CDH4: variants seen among roughly 807,000 people sequenced by gnomAD.
CDH4 encodes cadherin-4.
A neutral mutation model predicts 86.0 loss-of-function variants in CDH4; 33 were observed. The observed-to-expected ratio is 0.38, with a 90% CI of 0.29 to 0.51. The LOEUF (loss-of-function observed/expected upper bound fraction) is 0.51. CDH4 is among the 20% of genes least tolerant of loss of function. The pLI is 0.86. For synonymous variants in CDH4, 555 were observed against 549.4 expected (o/e 1.01, Z -0.14); for missense variants, 1,114 against 1,307.4 (o/e 0.85, Z 2.28).
intron 6 of CDH4, among the ~76,000 whole-genome samples, chr20:61,858,415 CTGTG>C (rs1983160694): frequency 6.8e-6 from 1 of 147,648 alleles, no homozygotes; most frequent in African/African-American, 2.5e-5. Context: ...GTGTCTGCGT[CTGTG>C]TGTGTGTCTG....
chr20:61,711,614 C>T (rs1197774316), intron 2 of CDH4, among the ~76,000 whole-genome samples: 1 of 152,234 alleles, frequency 6.6e-6, no homozygotes, highest in African/African-American at 2.4e-5. Context: ...GGGATAATCT[C>T]CTGTCTCAAG....
intron 2 of CDH4, among the ~76,000 whole-genome samples, chr20:61,444,719 G>A (rs541476322): frequency 7.0e-6 from 1 of 143,118 alleles, no homozygotes; most frequent in Non-Finnish European, 1.5e-5. Context: ...GTATATTTGT[G>A]TGTATATGTA....
At chr20:61,666,276 C>T (rs549891216) in intron 2 of CDH4, among the ~76,000 whole-genome samples, 2 of 152,180 alleles carry the variant, frequency 1.3e-5, no homozygotes, top group Non-Finnish European at 2.9e-5. Context: ...ATGAGAGCCA[C>T]GGTGCCTGGA....
At chr20:61,332,518 C>T (rs1306232555) in intron 2 of CDH4, among the ~76,000 whole-genome samples, 1 of 152,248 alleles carries the variant, frequency 6.6e-6, no homozygotes, top group Non-Finnish European at 1.5e-5. Flanking sequence ...ATTCTTGGTG[C>T]ATCCCCTTGG....
At chr20:61,683,832 G>C (rs1217067842) in intron 2 of CDH4, among the ~76,000 whole-genome samples, 1 of 152,200 alleles carries the variant, frequency 6.6e-6, no homozygotes, top group Non-Finnish European at 1.5e-5. Flanking sequence ...GTCTGTTCTT[G>C]TACAAGCCTG....
At chr20:61,762,543 A>C (rs909698461) in intron 3 of CDH4, among the ~76,000 whole-genome samples, 2 of 152,142 alleles carry the variant, frequency 1.3e-5, no homozygotes, top group African/African-American at 2.4e-5. Flanking sequence ...GGCTGTTGCA[A>C]ATATTCTTCT....
chr20:61,612,585 G>A lies in CDH4; in HGVS notation c.170-130978G>A, dbSNP rs528152343. ...CTTTTCCATCAAACCTGACTTTGCC[G>A]TGGGATTTGTTAAGACCATCCTTCC... On this transcript the variant is annotated intron_variant, in intron 2 of 15. Coordinates refer to ENST00000614565, the MANE Select transcript of CDH4 (RefSeq NM_001794.5). Among the ~76,000 whole-genome samples the A allele has an allele frequency of 4.5e-4, 69 of 152,196 alleles. 1 individual carries two copies. The South Asian group carries it at 0.012, about 26-fold the overall frequency.
chr20:61,804,683 G>A (rs924582729), intron 4 of CDH4, among the ~76,000 whole-genome samples: 2 of 152,234 alleles, frequency 1.3e-5, no homozygotes, highest in African/African-American at 4.8e-5. Context: ...CTCCAGGGGA[G>A]GGAGTGGCCG....
intron 2 of CDH4, among the ~76,000 whole-genome samples, chr20:61,369,197 A>C (rs2084826396): frequency 6.6e-6 from 1 of 152,128 alleles, no homozygotes; most frequent in African/African-American, 2.4e-5. Context: ...GCACGCCTGT[A>C]ATCCCAGCAC....
intron 2 of CDH4, among the ~76,000 whole-genome samples, chr20:61,306,498 G>C (rs1233547942): frequency 6.6e-6 from 1 of 151,998 alleles, no homozygotes; most frequent in Non-Finnish European, 1.5e-5. Context: ...CTCTATGCCT[G>C]GCTAATTTTT....
At chr20:61,547,298 C>T (rs1396379838) in intron 2 of CDH4, among the ~76,000 whole-genome samples, 3 of 149,772 alleles carry the variant, frequency 2.0e-5, no homozygotes, top group Admixed American at 6.7e-5. Flanking sequence ...CTGCAAGCTC[C>T]ACCTCCCGGG....
chr20:61,406,218 C>T (rs2085081109), intron 2 of CDH4, among the ~76,000 whole-genome samples: 1 of 151,514 alleles, frequency 6.6e-6, no homozygotes, highest in African/African-American at 2.4e-5. Flanking sequence ...AGACCACCAT[C>T]TGCTCTACCC....
At chr20:61,932,101 TCA>T (rs1439118763) in intron 13 of CDH4, among the ~76,000 whole-genome samples, 2 of 152,150 alleles carry the variant, frequency 1.3e-5, no homozygotes, top group Non-Finnish European at 2.9e-5. Flanking sequence ...TCTCCCTCTC[TCA>T]GTGATTCCTA....
chr20:61,704,360 G>T (rs1450553285), intron 2 of CDH4, among the ~76,000 whole-genome samples: 2 of 152,160 alleles, frequency 1.3e-5, no homozygotes, highest in Admixed American at 1.3e-4. Context: ...GCTGATCCAG[G>T]TCACTCGGGA....
intron 8 of CDH4, among the ~76,000 whole-genome samples, chr20:61,901,494 G>C (rs1036471546): frequency 6.6e-6 from 1 of 152,256 alleles, no homozygotes; most frequent in African/African-American, 2.4e-5. Flanking sequence ...TCCCAGCCCC[G>C]TCGGGGGGCG....
At position 61,929,722 on chromosome 20, in the gene CDH4, A is replaced by G. The variant is rs1375047048; in HGVS notation, c.2119A>G (p.Lys707Glu). ...NPPLSNTSII[K>E]VKVCPCDDNG... ...TCCCCTGTCCAACACGTCCATCATCAAAGTCAAGGTGTGCCCATGTGATGA... is the reference window on the plus strand; with the variant it reads ...TCCCCTGTCCAACACGTCCATCATCGAAGTCAAGGTGTGCCCATGTGATGA... The change falls in exon 13 of 16, where the codon AAA (lysine) becomes GAA (glutamate). Residue 707 changes from lysine (K) to glutamate (E), a missense_variant. Coordinates refer to ENST00000614565, the MANE Select transcript of CDH4 (RefSeq NM_001794.5). The G allele has an allele frequency of 6.2e-7, 1 of 1,614,144 alleles. No homozygotes were observed. Among genetic ancestry groups the G allele is most frequent in the Non-Finnish European group, 8.5e-7 (1 of 1,180,020 alleles).
At position 61,657,098 on chromosome 20, in the gene CDH4, T is replaced by C. The variant is rs61156990; in HGVS notation, c.170-86465T>C. Among the ~76,000 whole-genome samples the C allele has an allele frequency of 3.9e-3, 588 of 152,320 alleles. 5 individuals carry two copies. Among genetic ancestry groups the C allele is most frequent in the African/African-American group, 0.014 (564 of 41,560 alleles). On this transcript the variant is annotated intron_variant, in intron 2 of 15. Transcript: ENST00000614565. ...ATTTGAGCAAATCTAATGACTGGGC[T>C]TATGCCAAACGCACGCTCAGTCCTT...
chr20:61,437,776 C>A (rs558571838), intron 2 of CDH4, among the ~76,000 whole-genome samples: 1 of 152,126 alleles, frequency 6.6e-6, no homozygotes, highest in Non-Finnish European at 1.5e-5. Flanking sequence ...CTGATGCAGA[C>A]GGTCCCGTTT....
Position 61,480,307 on chromosome 20 carries a change from G to T in CDH4, c.169+225370G>T, listed in dbSNP as rs917489056. On this transcript the variant is annotated intron_variant, in intron 2 of 15. Coordinates refer to ENST00000614565, the MANE Select transcript of CDH4 (RefSeq NM_001794.5). The surrounding 1 kb of genome is among the most constrained non-coding windows in gnomAD (Gnocchi z 5.2). ...GGGGCAGCTGTGGCGCCCCCTGGCTGTGTCCTCTGCTTGGGCCACTGCCCT... is the reference window on the plus strand; with the variant it reads ...GGGGCAGCTGTGGCGCCCCCTGGCTTTGTCCTCTGCTTGGGCCACTGCCCT... 4.6e-5 allele frequency among the ~76,000 whole-genome samples: 7 copies of T among 152,170 alleles called. No individual in the cohort carries two copies. The highest frequency in any genetic ancestry group is 1.7e-4 in the African/African-American group (7 of 41,448).
Sources: allele counts gnomAD v4.1 joint callset (sites outside exome capture counted in the v4.1 genomes callset), GRCh38; gene constraint gnomAD v4.1.1; non-coding constraint Gnocchi (gnomAD v3.1); transcripts MANE v1.5; gene names NCBI Gene and HGNC (gene_info 2026-07-23, HGNC 2026-07-21).